Variants in NUP155 observed in about 807,000 individuals in gnomAD.
NUP155 encodes the protein nucleoporin 155.
Under a neutral mutation model 180.4 loss-of-function variants are expected in NUP155, and 71 were observed. That is an observed-to-expected ratio of 0.39 (90% CI 0.33 to 0.48). NUP155 has a LOEUF of 0.48. Among genes scored for constraint, NUP155 ranks in the 20% least tolerant of loss-of-function variants. The pLI is 0.91. For missense variants in NUP155, 1,553 were observed against 1,648.9 expected, an observed-to-expected ratio of 0.94 and a Z score of 1.01; for synonymous variants, 582 against 559.5, an observed-to-expected ratio of 1.04 and a Z score of -0.57.
At chr5:37,302,312 A>C (rs1295149167) in intron 29 of NUP155, among the ~76,000 whole-genome samples, 1 of 152,186 alleles carries the variant, frequency 6.6e-6, no homozygotes, top group Non-Finnish European at 1.5e-5. Flanking sequence ...AGCTCACTGC[A>C]ACCTCCGCTT....
At chr5:37,308,875 C>CAA (rs59572976) in intron 24 of NUP155, among the ~76,000 whole-genome samples, 14 of 68,854 alleles carry the variant, frequency 2.0e-4, no homozygotes, top group East Asian at 3.6e-4. Flanking sequence ...GCGAGACTCT[C>CAA]AAAAAAAAAA....
In NUP155 at chr5:37,351,307, T is replaced by C; in HGVS notation, c.606A>G (p.Pro202=). The change falls in exon 6 of 35, where the codon CCA becomes CCG. Residue 202 remains proline (P), a synonymous_variant. Coordinates refer to ENST00000231498, the MANE Select transcript of NUP155 (RefSeq NM_153485.3). Reference sequence around the variant, plus strand: ...CAGTAGGAAGAGAATATAAAGGATCTGGAAGCAACTGCATTCCACCAGACA... The same window carrying C: ...CAGTAGGAAGAGAATATAAAGGATCCGGAAGCAACTGCATTCCACCAGACA... ...DSLSGGMQLL[P]DPLYSLPTDN... is the part of the protein sequence containing the mutation. The C allele has an allele frequency of 3.7e-6, 6 of 1,612,976 alleles. No individual in the cohort carries two copies. Among genetic ancestry groups the C allele is most frequent in the Non-Finnish European group, 5.1e-6 (6 of 1,179,116 alleles).
chr5:37,362,291 GTTT>G, intron 3 of NUP155, among the ~76,000 whole-genome samples: 1 of 143,806 alleles, frequency 7.0e-6, no homozygotes, highest in Admixed American at 7.0e-5. Flanking sequence ...TTTCATTAGT[GTTT>G]TTTTTTTTTT....
intron 9 of NUP155, among the ~76,000 whole-genome samples, chr5:37,343,048 C>T (rs936667909): frequency 6.6e-6 from 1 of 151,754 alleles, no homozygotes; most frequent in Non-Finnish European, 1.5e-5. Flanking sequence ...TGTGCCCGAC[C>T]ACATATTTCC....
chr5:37,370,636 A>C, intron 1 of NUP155, 185 bp downstream of exon 1: 1 of 1,537,356 alleles, frequency 6.5e-7, no homozygotes. Context: ...TCAAGTATCT[A>C]CAATGAAGAA....
At position 37,333,598 on chromosome 5, in the gene NUP155, A is replaced by C. The variant is rs757681251; in HGVS notation, c.1383T>G (p.Leu461=). The C allele has an allele frequency of 1.7e-5, 28 of 1,613,810 alleles. No individual in the cohort carries two copies. In the South Asian group the frequency reaches 2.9e-4, roughly 16 times the overall value. The part of the protein sequence containing the change: ...TAGVDGHSWA[L]SAIDELKVDK... ...CTACTTTCAATTCATCTATCGCAGA[A>C]AGAGCCCAGGAATGACCATCAACAC... The change falls in exon 13 of 35, where the codon CTT becomes CTG. Residue 461 remains leucine, a synonymous_variant. Coordinates refer to ENST00000231498, the MANE Select transcript of NUP155 (RefSeq NM_153485.3).
At chr5:37,308,819 G>A (rs763211648) in intron 24 of NUP155, among the ~76,000 whole-genome samples, 8 of 148,748 alleles carry the variant, frequency 5.4e-5, no homozygotes, top group Non-Finnish European at 1.2e-4. Context: ...GGCAGAGGAT[G>A]CAGTGAGCTG....
chr5:37,340,107 A>T (rs1230106403), intron 11 of NUP155, among the ~76,000 whole-genome samples: 1 of 152,176 alleles, frequency 6.6e-6, no homozygotes, highest in Non-Finnish European at 1.5e-5. Context: ...TAAAATTCAT[A>T]TGAAAATTCA....
chr5:37,355,126 GTATC>G (rs755914059), intron 4 of NUP155, among the ~76,000 whole-genome samples: 94 of 151,958 alleles, frequency 6.2e-4, no homozygotes, highest in Non-Finnish European at 1.9e-4. Flanking sequence ...ACTTAACTGA[GTATC>G]TATAATTGCA....
At chr5:37,314,001 A>G (rs962222648) in intron 22 of NUP155, among the ~76,000 whole-genome samples, 197 bp downstream of exon 22, 8 of 152,188 alleles carry the variant, frequency 5.3e-5, no homozygotes, top group Non-Finnish European at 1.5e-5. Flanking sequence ...TCACATACCC[A>G]CAAGTAAAAA....
chr5:37,352,015 C>T (rs1477259393), intron 5 of NUP155, among the ~76,000 whole-genome samples: 1 of 150,884 alleles, frequency 6.6e-6, no homozygotes, highest in African/African-American at 2.4e-5. Flanking sequence ...CTGAGGTCGG[C>T]AGTTCAAGAC....
chr5:37,334,207 A>T (rs530676847), intron 12 of NUP155, among the ~76,000 whole-genome samples: 1 of 151,396 alleles, frequency 6.6e-6, no homozygotes, highest in Non-Finnish European at 1.5e-5. Flanking sequence ...GGTTCAGTTG[A>T]TTCTCCCACC....
intron 32 of NUP155, among the ~76,000 whole-genome samples, chr5:37,295,280 C>A (rs866916735): frequency 2.6e-5 from 4 of 152,172 alleles, no homozygotes; most frequent in Admixed American, 6.5e-5. Flanking sequence ...AGCTCCTAAC[C>A]GCGAGTGATC....
intron 1 of NUP155, among the ~76,000 whole-genome samples, chr5:37,368,594 C>A (rs1170767991): frequency 6.6e-6 from 1 of 151,792 alleles, no homozygotes; most frequent in African/African-American, 2.4e-5. Flanking sequence ...CCGAGGCGGG[C>A]GGATCACATG....
chr5:37,293,299 C>A (rs1444924821), intron 33 of NUP155: 1 of 278,490 alleles, frequency 3.6e-6, no homozygotes, highest in East Asian at 9.8e-5. Flanking sequence ...TGGGTTGTGA[C>A]ACCACTTTTA....
Position 37,342,599 on chromosome 5 carries a change from A to G in NUP155, c.1043T>C (p.Ile348Thr), listed in dbSNP as rs748926185. ...ACAGTCCAGTGATTCAGAATTTTCA[A>G]TCACTGCTATTTGGACAATTGGTTT... The part of the protein sequence containing the change: ...VFKPIVQIAV[I>T]ENSESLDCQL... Residue 348 changes from isoleucine (I) to threonine (T), a missense_variant, in exon 10 of 35, where the codon ATT (isoleucine) becomes ACT (threonine). By Grantham distance (89) the Ile-to-Thr change is moderately conservative. Transcript: ENST00000231498. 44 of 1,613,424 alleles carry G rather than the reference A, an allele frequency of 2.7e-5. No homozygotes were observed. Among genetic ancestry groups the G allele is most frequent in the Non-Finnish European group, 3.6e-5 (43 of 1,179,524 alleles).
chr5:37,352,372 CAAACAAAA>C (rs1171701330), intron 5 of NUP155, among the ~76,000 whole-genome samples: 1 of 151,538 alleles, frequency 6.6e-6, no homozygotes, highest in African/African-American at 2.4e-5. Flanking sequence ...AACAAACAAA[CAAACAAAA>C]AAACAAAATT....
At chr5:37,356,101 T>C (rs1035228240) in intron 4 of NUP155, among the ~76,000 whole-genome samples, 1 of 151,504 alleles carries the variant, frequency 6.6e-6, no homozygotes, top group Non-Finnish European at 1.5e-5. Flanking sequence ...TGGTGGTGCA[T>C]GCCTGTAATC....
In NUP155 at chr5:37,301,794, G is replaced by A. The variant is rs189409851; in HGVS notation, c.3448-244C>T. 5.3e-3 allele frequency among the ~76,000 whole-genome samples: 801 copies of A among 152,280 alleles called. 4 individuals carry two copies. Among genetic ancestry groups the A allele is most frequent in the African/African-American group, 0.016 (650 of 41,544 alleles). ...TACCTTCCAAGACTGTAGCCAAATG[G>A]TTAGACTATACAGCTCAGCCTCCTC... On this transcript the variant is annotated intron_variant, in intron 29 of 34. Transcript: ENST00000231498.
Sources: gnomAD v4.1 joint callset for allele counts (sites outside exome capture counted in the v4.1 genomes callset) on GRCh38, gnomAD v4.1.1 for gene constraint, MANE v1.5 for transcripts, NCBI Gene and HGNC (gene_info 2026-07-23, HGNC 2026-07-21) for gene names.